Variants in UCHL3 observed in about 807,000 individuals in gnomAD.
UCHL3 encodes ubiquitin carboxyl-terminal hydrolase isozyme L3.
In UCHL3, 22 loss-of-function variants were observed where a neutral mutation model predicts 35.8. The observed-to-expected ratio is 0.61, with a 90% CI of 0.44 to 0.88. The LOEUF is 0.88. UCHL3 is among the 40% of genes least tolerant of loss of function. The probability of loss-of-function intolerance (pLI) is 0.00; values close to 1 mark genes in which losing one functional copy is unlikely to be tolerated. For synonymous variants in UCHL3, 90 were observed against 92.8 expected (o/e 0.97, Z 0.17); for missense variants, 229 against 276.9 (o/e 0.83, Z 1.23).
At chr13:75,595,401 C>G (rs2032617354) in intron 7 of UCHL3, among the ~76,000 whole-genome samples, 1 of 151,684 alleles carries the variant, frequency 6.6e-6, no homozygotes, top group Non-Finnish European at 1.5e-5. Context: ...AGTTCAAGAT[C>G]AGCCTGACCA....
At chr13:75,574,909 T>C (rs985557925) in intron 6 of UCHL3, among the ~76,000 whole-genome samples, 21 of 152,286 alleles carry the variant, frequency 1.4e-4, no homozygotes, top group African/African-American at 5.1e-4. Flanking sequence ...GGTATTTGGG[T>C]AGTAGTTAGA....
chr13:75,590,541 TTA>T (rs998718526), intron 6 of UCHL3, among the ~76,000 whole-genome samples: 5 of 152,190 alleles, frequency 3.3e-5, no homozygotes, highest in African/African-American at 1.2e-4. Context: ...TATTATTTTT[TTA>T]TGTTTCTGAG....
intron 6 of UCHL3, among the ~76,000 whole-genome samples, chr13:75,590,413 T>C (rs1162088300): frequency 3.9e-5 from 6 of 152,226 alleles, no homozygotes; most frequent in Non-Finnish European, 8.8e-5. Context: ...TAAGTCTGGT[T>C]AATTGTTAAA....
At chr13:75,577,227 G>A (rs1049419096) in intron 6 of UCHL3, among the ~76,000 whole-genome samples, 3 of 152,110 alleles carry the variant, frequency 2.0e-5, no homozygotes, top group Non-Finnish European at 4.4e-5. Context: ...TCCAGCCTGG[G>A]TGACAGAGAC....
intron 6 of UCHL3, among the ~76,000 whole-genome samples, chr13:75,572,096 T>C (rs1247517540): frequency 6.6e-6 from 1 of 152,054 alleles, no homozygotes; most frequent in Non-Finnish European, 1.5e-5. Context: ...TAACTTTAAT[T>C]ATTTCTTTTT....
intron 6 of UCHL3, among the ~76,000 whole-genome samples, chr13:75,582,013 C>A (rs572875640): frequency 2.6e-5 from 4 of 152,244 alleles, no homozygotes; most frequent in African/African-American, 9.6e-5. Flanking sequence ...GGGCGAGTGA[C>A]CTTGCAATGG....
intron 7 of UCHL3, among the ~76,000 whole-genome samples, chr13:75,599,171 A>G (rs910958759): frequency 7.5e-6 from 1 of 133,672 alleles, no homozygotes; most frequent in South Asian, 2.3e-4. Flanking sequence ...GGGTCTAGCT[A>G]TGTTGCCCAG....
intron 8 of UCHL3, 64 bp downstream of exon 8, chr13:75,604,891 G>T: frequency 1.5e-6 from 2 of 1,353,428 alleles, no homozygotes; most frequent in East Asian, 2.6e-5. Context: ...CATCTCTAAA[G>T]GTCACTTGCA....
chr13:75,590,721 A>G (rs968466235), intron 6 of UCHL3, among the ~76,000 whole-genome samples: 3 of 152,118 alleles, frequency 2.0e-5, no homozygotes, highest in Non-Finnish European at 4.4e-5. Context: ...TTCAGTTTCT[A>G]AAGATCTTTT....
intron 6 of UCHL3, among the ~76,000 whole-genome samples, chr13:75,583,617 T>C (rs2032244300): frequency 6.6e-6 from 1 of 152,204 alleles, no homozygotes; most frequent in Admixed American, 6.5e-5. Context: ...ATACCAATAT[T>C]ATTACTGTTG....
At chr13:75,560,947 T>C (rs993827801) in intron 3 of UCHL3, 66 bp downstream of exon 3, 18 of 1,415,934 alleles carry the variant, frequency 1.3e-5, no homozygotes, top group Non-Finnish European at 2.8e-6. Flanking sequence ...GTCTTATTTT[T>C]TGAGGCAGTA....
intron 2 of UCHL3, among the ~76,000 whole-genome samples, chr13:75,555,465 AT>A (rs2031263233): frequency 6.6e-6 from 1 of 152,198 alleles, no homozygotes; most frequent in African/African-American, 2.4e-5. Context: ...CCATCAACAA[AT>A]ATGTAGTTGT....
intron 3 of UCHL3, among the ~76,000 whole-genome samples, chr13:75,562,225 T>C (rs2031542019): frequency 6.6e-6 from 1 of 152,092 alleles, no homozygotes; most frequent in Non-Finnish European, 1.5e-5. Flanking sequence ...TTAAATAACA[T>C]TGAAAATTTT....
chr13:75,566,943 C>T (rs919266846), intron 4 of UCHL3, 92 bp downstream of exon 4: 1 of 1,378,610 alleles, frequency 7.3e-7, no homozygotes, highest in African/African-American at 1.5e-5. Flanking sequence ...TTTCTTCAAA[C>T]TATAAAATAA....
At chr13:75,553,795 G>A (rs1268030860) in intron 2 of UCHL3, among the ~76,000 whole-genome samples, 1 of 152,062 alleles carries the variant, frequency 6.6e-6, no homozygotes, top group Non-Finnish European at 1.5e-5. Context: ...AAGTTAATAT[G>A]GCCAAAAAAG....
chr13:75,550,128 G>A, intron 2 of UCHL3, 141 bp downstream of exon 2: 1 of 1,357,226 alleles, frequency 7.4e-7, no homozygotes, highest in Non-Finnish European at 1.0e-6. Context: ...CTTTACGCGG[G>A]TCCGCCCCTT....
chr13:75,561,665 T>C (rs1353983001), intron 3 of UCHL3, among the ~76,000 whole-genome samples: 1 of 151,938 alleles, frequency 6.6e-6, no homozygotes, highest in Non-Finnish European at 1.5e-5. Flanking sequence ...TATATTTTAA[T>C]TGGCAGCTTT....
chr13:75,592,467 T>TA (rs1279143807), intron 6 of UCHL3, among the ~76,000 whole-genome samples: 9 of 100,034 alleles, frequency 9.0e-5, no homozygotes, highest in Non-Finnish European at 1.4e-4. Flanking sequence ...TATATATATA[T>TA]GAAGGAAAAA....
chr13:75,583,893 C>T (rs2032253235), intron 6 of UCHL3, among the ~76,000 whole-genome samples: 1 of 152,106 alleles, frequency 6.6e-6, no homozygotes, highest in Non-Finnish European at 1.5e-5. Context: ...TTCCTGTAAA[C>T]AGCCCTGAAG....
Sources: gnomAD v4.1 joint callset for allele counts (sites outside exome capture counted in the v4.1 genomes callset) on GRCh38, gnomAD v4.1.1 for gene constraint, MANE v1.5 for transcripts, NCBI Gene and HGNC (gene_info 2026-07-23, HGNC 2026-07-21) for gene names.